Variants in PRDM15 observed in about 807,000 individuals in gnomAD.
The protein encoded by PRDM15 is PR/SET domain 15.
A neutral mutation model predicts 128.6 loss-of-function variants in PRDM15; 64 were observed. The ratio of observed to expected loss-of-function variants is 0.50; its 90% CI spans 0.41 to 0.61. PRDM15 has a LOEUF of 0.61. Ranked by LOEUF, PRDM15 falls within the 20% of genes least tolerant of loss-of-function variation. The probability of loss-of-function intolerance (pLI) is 0.00; values close to 1 mark genes in which losing one functional copy is unlikely to be tolerated. For synonymous variants in PRDM15, 615 were observed against 621.8 expected (o/e 0.99, Z 0.16); for missense variants, 1,242 against 1,569.1 (o/e 0.79, Z 3.52).
At chr21:41,851,164 G>A (rs146253476) in intron 5 of PRDM15, among the ~76,000 whole-genome samples, 133 of 152,242 alleles carry the variant, frequency 8.7e-4, no homozygotes, top group African/African-American at 2.9e-3. Flanking sequence ...ATGCAGCAGC[G>A]TTCTCTCTGG....
Position 41,859,066 on chromosome 21 carries a change from G to A in PRDM15, c.131+526C>T. The A allele has an allele frequency of 3.2e-6, 5 of 1,577,690 alleles. No individual in the cohort carries two copies. The highest frequency in any genetic ancestry group is 4.3e-6 in the Non-Finnish European group (5 of 1,162,188). On this transcript the variant is annotated intron_variant, in intron 3 of 23. Coordinates refer to ENST00000398548, the MANE Select transcript of PRDM15 (RefSeq NM_001040424.3). The surrounding 1 kb of genome is among the most constrained non-coding windows in gnomAD (Gnocchi z 5.3). ...CCACCAGGTGGCACAGCCTCCCCCA[G>A]GTGAGGGTGGAACGGCAGGGCAGCT...
At chr21:41,809,719 T>C (rs1211784685) in intron 21 of PRDM15, among the ~76,000 whole-genome samples, 1 of 152,172 alleles carries the variant, frequency 6.6e-6, no homozygotes, top group Admixed American at 6.5e-5. Context: ...TTACGGAACA[T>C]CCTGGCCCTT....
At chr21:41,842,838 G>A (rs2146654126) in intron 6 of PRDM15, among the ~76,000 whole-genome samples, 1 of 147,384 alleles carries the variant, frequency 6.8e-6, no homozygotes. Flanking sequence ...AGGATGGAGT[G>A]CAGTGGTGCA....
chr21:41,877,950 G>A (rs1423933768), intron 1 of PRDM15, among the ~76,000 whole-genome samples: 7 of 152,260 alleles, frequency 4.6e-5, no homozygotes, highest in African/African-American at 1.7e-4. Flanking sequence ...GTGAGGCAGC[G>A]ATGTCAGGAA....
chr21:41,824,536 T>G (rs577831674), intron 13 of PRDM15, among the ~76,000 whole-genome samples: 67 of 3,010 alleles, frequency 0.022, no homozygotes, highest in Middle Eastern at 0.1. Flanking sequence ...AGGCACAGAT[T>G]GTTTGCACAA....
Position 41,802,885 on chromosome 21 carries a change from C to G in PRDM15, c.2770G>C (p.Gly924Arg). ...CGCTTGGCAGCTTTCCCGTGCTTCC[C>G]TTCGGCCAAATCCTCCTGCTCCAGA... ...LTLEQEDLAE[G>R]KHGKAAKRSH... The change falls in exon 23 of 24, where the codon GGG becomes CGG. Residue 924 changes from glycine to arginine, a missense_variant. Gly to Arg is a moderately radical substitution (Grantham distance 125). Around this residue, in one of 3 missense-constraint regions of PRDM15, gnomAD observed 602 missense variants for 788.3 expected, o/e 0.76. Coordinates refer to ENST00000398548, the MANE Select transcript of PRDM15 (RefSeq NM_001040424.3). 1 of 1,614,140 alleles carries G rather than the reference C, an allele frequency of 6.2e-7. No individual in the cohort carries two copies. Among genetic ancestry groups the G allele is most frequent in the Non-Finnish European group, 8.5e-7 (1 of 1,180,032 alleles).
chr21:41,821,474 C>T lies in PRDM15; in HGVS notation c.1897-244G>A, dbSNP rs759337439. 6.6e-6 allele frequency among the ~76,000 whole-genome samples: 1 copy of T among 152,168 alleles called. No homozygotes were observed. Among genetic ancestry groups the T allele is most frequent in the African/African-American group, 2.4e-5 (1 of 41,444 alleles). On this transcript the variant is annotated intron_variant, in intron 15 of 23. Coordinates refer to ENST00000398548, the MANE Select transcript of PRDM15 (RefSeq NM_001040424.3). The surrounding 1 kb of genome is among the most constrained non-coding windows in gnomAD (Gnocchi z 5.4). ...AACCACCCTCCTTTTTGGAGAGCCC[C>T]TTCCATGCACAGGGGAGGCCTCGTG...
In PRDM15 at chr21:41,834,530, G is replaced by A. The variant is rs767480821; in HGVS notation, c.1366+907C>T. On this transcript the variant is annotated intron_variant, in intron 11 of 23. Transcript: ENST00000398548. ...CTGGTAGGTCTCTAAGCCGACTGCC[G>A]CCGGGCCCCCCCTCTCCAGGGTGTG... 6.1e-4 allele frequency: 939 copies of A among 1,550,238 alleles called. 1 individual carries two copies. Among genetic ancestry groups the A allele is most frequent in the Non-Finnish European group, 6.9e-4 (796 of 1,146,892 alleles).
intron 11 of PRDM15, among the ~76,000 whole-genome samples, chr21:41,831,671 T>C (rs528973231): frequency 6.6e-6 from 1 of 152,070 alleles, no homozygotes; most frequent in African/African-American, 2.4e-5. Context: ...GAGACAGCAG[T>C]GGGGAAATCT....
chr21:41,823,173 G>A (rs2062344272), intron 14 of PRDM15, 145 bp downstream of exon 14: 3 of 1,057,454 alleles, frequency 2.8e-6, no homozygotes, highest in East Asian at 2.6e-5. Context: ...GGGGGCTTTG[G>A]GGTCTAGCCT....
At chr21:41,816,960 C>T (rs1377912345) in intron 18 of PRDM15, among the ~76,000 whole-genome samples, 1 of 151,438 alleles carries the variant, frequency 6.6e-6, no homozygotes. Context: ...CCTCTTCCTG[C>T]TTCTAAAATG....
rs1428396908 is a variant in PRDM15 at position 41,858,559 on chromosome 21, C to T, written c.131+1033G>A. Among the ~76,000 whole-genome samples the T allele has an allele frequency of 4.1e-5, 6 of 144,660 alleles. No homozygotes were observed. In the East Asian group the frequency reaches 6.4e-4, roughly 15 times the overall value. The allele number at this position is 144,660 out of a possible 152,430, so 94.9% of individuals were successfully genotyped here. A position where few individuals can be genotyped will look rare whatever the true frequency, so the allele number is the denominator to read the frequency against. On this transcript the variant is annotated intron_variant, in intron 3 of 23. Coordinates refer to ENST00000398548, the MANE Select transcript of PRDM15 (RefSeq NM_001040424.3). Reference sequence around the variant, plus strand: ...TGGGTGCCCAGAGCACAGGCCTCTCCGACAGAGGCGGACATGGGGTGCCCA... The same window carrying T: ...TGGGTGCCCAGAGCACAGGCCTCTCTGACAGAGGCGGACATGGGGTGCCCA...
chr21:41,877,993 G>A (rs118142654), intron 1 of PRDM15, among the ~76,000 whole-genome samples: 8,726 of 152,364 alleles, frequency 0.057, 326 homozygotes, highest in Middle Eastern at 0.13. Flanking sequence ...TGAAAACGTG[G>A]AACACGTGAA....
At chr21:41,869,492 G>C (rs1377977429) in intron 1 of PRDM15, among the ~76,000 whole-genome samples, 3 of 150,810 alleles carry the variant, frequency 2.0e-5, no homozygotes, top group African/African-American at 7.3e-5. Context: ...TATTGCCCAG[G>C]CTGGGGTCCA....
chr21:41,845,983 T>A (rs1332791871), intron 6 of PRDM15, among the ~76,000 whole-genome samples: 3 of 152,080 alleles, frequency 2.0e-5, no homozygotes, highest in African/African-American at 7.2e-5. Context: ...CTGCTATTTA[T>A]GTCTTGGTGA....
At position 41,821,251 on chromosome 21, in the gene PRDM15, GCA is replaced by G; in HGVS notation, c.1897-23_1897-22del. 1 of 1,613,710 alleles carries G rather than the reference GCA, an allele frequency of 6.2e-7. No individual in the cohort carries two copies. The highest frequency in any genetic ancestry group is 2.2e-5 in the East Asian group (1 of 44,876). ...GTGAGCTGCGGGCCAGGTGGACAGG[GCA>G]CTGCTGACACCCGCATGAGGTCCCT... On this transcript the variant is annotated intron_variant, in intron 15 of 23. Transcript: ENST00000398548. This position sits in a 1 kb window ranked among gnomAD's most constrained non-coding sequence, Gnocchi z 5.4.
chr21:41,851,163 CG>C (rs1299994613), intron 5 of PRDM15, among the ~76,000 whole-genome samples: 1 of 152,118 alleles, frequency 6.6e-6, no homozygotes, highest in Non-Finnish European at 1.5e-5. Flanking sequence ...CATGCAGCAG[CG>C]TTCTCTCTGG....
chr21:41,869,132 TCC>T (rs1338798969), intron 1 of PRDM15, among the ~76,000 whole-genome samples: 2 of 152,316 alleles, frequency 1.3e-5, no homozygotes, highest in East Asian at 3.9e-4. Context: ...TTCCTCCCAC[TCC>T]CAGTTTAAGG....
chr21:41,809,847 C>T (rs2061804324), intron 21 of PRDM15, among the ~76,000 whole-genome samples: 1 of 152,196 alleles, frequency 6.6e-6, no homozygotes, highest in South Asian at 2.1e-4. Flanking sequence ...CCCCATTTTG[C>T]ACATTAGTTC....
Sources: gnomAD v4.1 joint callset for allele counts (sites outside exome capture counted in the v4.1 genomes callset) on GRCh38, gnomAD v4.1.1 for gene constraint, gnomAD v4.1.1 regional missense constraint, Gnocchi (gnomAD v3.1) non-coding constraint, MANE v1.5 for transcripts, NCBI Gene and HGNC (gene_info 2026-07-23, HGNC 2026-07-21) for gene names.